The following FAM177A1 variants were observed in gnomAD, a reference collection of about 807,000 sequenced individuals.
FAM177A1 encodes family with sequence similarity 177 member A1.
In FAM177A1, 22 loss-of-function variants were observed where a neutral mutation model predicts 26.1. The ratio of observed to expected loss-of-function variants is 0.84; its 90% CI spans 0.60 to 1.20. FAM177A1 has a LOEUF of 1.20. Among genes scored for constraint, FAM177A1 ranks in the 50% most tolerant of loss-of-function variants. The pLI is 0.00. For missense variants in FAM177A1, 296 were observed against 291.1 expected (o/e 1.02, Z -0.12); for synonymous variants, 95 against 99.3 (o/e 0.96, Z 0.26).
intron 2 of FAM177A1, among the ~76,000 whole-genome samples, chr14:35,063,137 G>A (rs2045185296): frequency 7.3e-6 from 1 of 136,558 alleles, no homozygotes; most frequent in Non-Finnish European, 1.5e-5. Context: ...CTCCAGCCTG[G>A]CAACAGAGTG....
intron 2 of FAM177A1, among the ~76,000 whole-genome samples, chr14:35,055,161 G>T (rs1202573347): frequency 6.6e-6 from 1 of 151,308 alleles, no homozygotes; most frequent in Non-Finnish European, 1.5e-5. Flanking sequence ...AAATTAGGCA[G>T]GCGTGATGGC....
chr14:35,045,368 C>A (rs1046025637), upstream of FAM177A1, among the ~76,000 whole-genome samples: 5 of 152,052 alleles, frequency 3.3e-5, no homozygotes. Context: ...AGGAAGTGTA[C>A]AATAACATTA....
chr14:35,075,667 A>G (rs2045383386), intron 2 of FAM177A1, among the ~76,000 whole-genome samples: 1 of 152,220 alleles, frequency 6.6e-6, no homozygotes, highest in African/African-American at 2.4e-5. Flanking sequence ...CAGGCAACCT[A>G]CAGAATGGGA....
At position 35,060,622 on chromosome 14, in the gene FAM177A1, GT is replaced by G. The variant is rs2045136831; in HGVS notation, c.339+7174del. On this transcript the variant is annotated intron_variant, in intron 2 of 4. Coordinates refer to ENST00000280987, the MANE Select transcript of FAM177A1 (RefSeq NM_173607.5). Reference sequence around the variant, plus strand: ...GTCATTGTTATTTGCCTGTTTATTTGTTTAGTGACTGCTGTGTTCTTTTAGT... The same window carrying G: ...GTCATTGTTATTTGCCTGTTTATTTGTTAGTGACTGCTGTGTTCTTTTAGT... Among the ~76,000 whole-genome samples the G allele has an allele frequency of 2.0e-5, 3 of 151,950 alleles. No homozygotes were observed. In the South Asian group the frequency reaches 6.2e-4, roughly 32 times the overall value.
chr14:35,077,757 C>G lies in FAM177A1; in HGVS notation c.406+541C>G, dbSNP rs1195392556. Among the ~76,000 whole-genome samples, 3 of 152,278 alleles carry G rather than the reference C, an allele frequency of 2.0e-5. No homozygotes were observed. In the East Asian group the frequency reaches 5.8e-4, roughly 29 times the overall value. On this transcript the variant is annotated intron_variant, in intron 3 of 4. Coordinates refer to ENST00000280987, the MANE Select transcript of FAM177A1 (RefSeq NM_173607.5). ...TCGGCCTCCCAAAGTGCTGGGACCACAGGCGTGAGCCACCGCGCCCGGCCT... is the reference window on the plus strand; with the variant it reads ...TCGGCCTCCCAAAGTGCTGGGACCAGAGGCGTGAGCCACCGCGCCCGGCCT...
intron 2 of FAM177A1, among the ~76,000 whole-genome samples, chr14:35,057,897 G>GC (rs1037173597): frequency 2.0e-5 from 3 of 151,946 alleles, no homozygotes; most frequent in Non-Finnish European, 4.4e-5. Flanking sequence ...AGCCTGCCTA[G>GC]CAGGTGGTCT....
At chr14:35,054,139 CG>C (rs2045022881) in intron 2 of FAM177A1, among the ~76,000 whole-genome samples, 1 of 151,990 alleles carries the variant, frequency 6.6e-6, no homozygotes, top group African/African-American at 2.4e-5. Flanking sequence ...GGCATGAACC[CG>C]GGAGGCAGAG....
chr14:35,050,080 C>T (rs112732967), intron 1 of FAM177A1: 19 of 152,328 alleles, frequency 1.2e-4, no homozygotes, highest in African/African-American at 2.2e-4. Context: ...GATCTCGGCT[C>T]GCTGCAACCT....
Position 35,068,799 on chromosome 14 carries a change from C to T in FAM177A1, c.340-8351C>T, listed in dbSNP as rs528737117. ...CTTACAGTTGTGGAGGCTGGGAAGT[C>T]CAAGATTGAGCAACTGGCATCTGGC... On this transcript the variant is annotated intron_variant, in intron 2 of 4. Transcript: ENST00000280987. 2.4e-4 allele frequency among the ~76,000 whole-genome samples: 37 copies of T among 152,306 alleles called. No individual in the cohort carries two copies. In the South Asian group the frequency reaches 7.5e-3, roughly 31 times the overall value.
At chr14:35,045,769 A>C (rs993624852), upstream of FAM177A1, among the ~76,000 whole-genome samples, 8 of 152,216 alleles carry the variant, frequency 5.3e-5, no homozygotes, top group Admixed American at 3.9e-4. Context: ...GACACAGATA[A>C]AACATTCCTT....
chr14:35,050,386 T>A (rs2044945714), intron 1 of FAM177A1: 1 of 152,182 alleles, frequency 6.6e-6, no homozygotes, highest in Non-Finnish European at 1.5e-5. Flanking sequence ...AAAAATATTT[T>A]AAAAATATAA....
chr14:35,075,571 A>G (rs892840159), intron 2 of FAM177A1, among the ~76,000 whole-genome samples: 2 of 152,154 alleles, frequency 1.3e-5, no homozygotes, highest in Non-Finnish European at 2.9e-5. Flanking sequence ...ACCAAAAGCA[A>G]TGGCAACAAA....
intron 1 of FAM177A1, 107 bp downstream of exon 1, chr14:35,046,735 C>G (rs1472227313): frequency 7.0e-7 from 1 of 1,420,954 alleles, no homozygotes. Flanking sequence ...CAGGCCGCCC[C>G]AGCTTTGGAG....
intron 1 of FAM177A1, 123 bp from the exon 2 acceptor site, chr14:35,053,155 C>G: frequency 1.1e-6 from 1 of 881,442 alleles, no homozygotes; most frequent in Admixed American, 2.9e-5. Flanking sequence ...TGTCTCAGAA[C>G]AAACCAAAAC....
intron 1 of FAM177A1, among the ~76,000 whole-genome samples, chr14:35,049,256 A>G (rs1035528476): frequency 2.0e-5 from 3 of 152,090 alleles, no homozygotes; most frequent in Admixed American, 6.6e-5. Context: ...CTCAGCCTCA[A>G]TGTTTTTAAA....
chr14:35,082,484 GCCTGGGCGACAGAGTGAGACT>G lies in FAM177A1; in HGVS notation c.*1259_*1279del, dbSNP rs1255443428. 4.6e-5 allele frequency: 7 copies of G among 152,150 alleles called. No homozygotes were observed. Among genetic ancestry groups the G allele is most frequent in the Non-Finnish European group, 1.0e-4 (7 of 68,122 alleles). The allele number at this position is 152,150 out of a possible 1,614,324, so 9.4% of individuals were successfully genotyped here. A position where few individuals can be genotyped will look rare whatever the true frequency, so the allele number is the denominator to read the frequency against. On this transcript the variant is annotated 3_prime_UTR_variant, in exon 5 of 5. Transcript: ENST00000280987. ...GCCAAGATTGCACCACTGCACTCCA[GCCTGGGCGACAGAGTGAGACT>G]CCATCTTGGGGGGAAAAAAGTATAT...
chr14:35,079,134 G>C (rs1358955548), intron 4 of FAM177A1, 110 bp downstream of exon 4: 3 of 694,946 alleles, frequency 4.3e-6, no homozygotes, highest in Non-Finnish European at 7.1e-6. Context: ...GCTCTCTTAT[G>C]CTAGGCATTT....
At chr14:35,080,809 A>T (rs1345061386) in intron 4 of FAM177A1, among the ~76,000 whole-genome samples, 3 of 152,046 alleles carry the variant, frequency 2.0e-5, no homozygotes, top group Admixed American at 6.6e-5. Flanking sequence ...AAACAACAAG[A>T]AAAAACTACT....
At position 35,081,116 on chromosome 14, in the gene FAM177A1, A is replaced by C; in HGVS notation, c.599A>C (p.Asp200Ala). 6.2e-7 allele frequency: 1 copy of C among 1,613,836 alleles called. No individual in the cohort carries two copies. Among genetic ancestry groups the C allele is most frequent in the South Asian group, 1.1e-5 (1 of 91,068 alleles). Residue 200 changes from aspartate to alanine, a missense_variant, in exon 5 of 5, where the codon GAT becomes GCT. Coordinates refer to ENST00000280987, the MANE Select transcript of FAM177A1 (RefSeq NM_173607.5). The part of the protein sequence containing the change: ...KLQTDSIVQT[D>A]QPETVISSSF... Reference sequence around the variant, plus strand: ...CAGACTGATTCCATTGTTCAGACAGATCAACCAGAGACAGTGATATCCAGC... The same window carrying C: ...CAGACTGATTCCATTGTTCAGACAGCTCAACCAGAGACAGTGATATCCAGC...
Sources: allele counts gnomAD v4.1 joint callset (sites outside exome capture counted in the v4.1 genomes callset), GRCh38; gene constraint gnomAD v4.1.1; transcripts MANE v1.5; gene names NCBI Gene and HGNC (gene_info 2026-07-23, HGNC 2026-07-21).